Variants in SEPTIN7 observed in about 807,000 individuals in gnomAD.
SEPTIN7 encodes septin 7, also known as septin-7.
A neutral mutation model predicts 63.3 loss-of-function variants in SEPTIN7; 10 were observed. The observed-to-expected ratio is 0.16, with a 90% confidence interval of 0.10 to 0.27. The LOEUF is 0.27. SEPTIN7 is among the 10% of genes least tolerant of loss of function. The pLI is 1.00. For synonymous variants in SEPTIN7, 131 were observed against 165.3 expected (o/e 0.79, Z 1.59); for missense variants, 310 against 521.0 (o/e 0.59, Z 3.94).
In SEPTIN7 at chr7:35,887,555, C is replaced by T. The variant is rs1344002953; in HGVS notation, c.872+1676C>T. 2.6e-5 allele frequency among the ~76,000 whole-genome samples: 4 copies of T among 152,312 alleles called. No individual in the cohort carries two copies. In the East Asian group the frequency reaches 7.7e-4, roughly 29 times the overall value. Reference sequence around the variant, plus strand: ...AGAGACAGGGTTTCACCGTGTTGGCCAGGCTGGTCTCAAACTCCTGACCTC... The same window carrying T: ...AGAGACAGGGTTTCACCGTGTTGGCTAGGCTGGTCTCAAACTCCTGACCTC... On this transcript the variant is annotated intron_variant, in intron 10 of 13. Coordinates refer to ENST00000350320, the MANE Select transcript of SEPTIN7 (RefSeq NM_001788.6).
chr7:35,853,336 G>A (rs1039917649), intron 3 of SEPTIN7, among the ~76,000 whole-genome samples: 2 of 152,170 alleles, frequency 1.3e-5, no homozygotes, highest in African/African-American at 4.8e-5. Context: ...TGAGGTGGGA[G>A]GATCACTTGA....
intron 10 of SEPTIN7, among the ~76,000 whole-genome samples, chr7:35,888,142 A>G (rs1447966719): frequency 6.6e-6 from 1 of 152,222 alleles, no homozygotes; most frequent in Non-Finnish European, 1.5e-5. Context: ...AGGAGAACAG[A>G]AAGAGTTACG....
At chr7:35,887,770 G>A (rs534256604) in intron 10 of SEPTIN7, among the ~76,000 whole-genome samples, 1 of 152,324 alleles carries the variant, frequency 6.6e-6, no homozygotes, top group Non-Finnish European at 1.5e-5. Flanking sequence ...CAGCAGAGCA[G>A]CAAGACTTTT....
chr7:35,856,859 C>T (rs1785239546), intron 3 of SEPTIN7, among the ~76,000 whole-genome samples: 1 of 152,086 alleles, frequency 6.6e-6, no homozygotes, highest in Non-Finnish European at 1.5e-5. Flanking sequence ...CACTTTAGTT[C>T]AGAATAAATT....
chr7:35,897,990 T>C (rs958306474), intron 11 of SEPTIN7, among the ~76,000 whole-genome samples: 6 of 152,100 alleles, frequency 3.9e-5, no homozygotes, highest in African/African-American at 1.4e-4. Context: ...GGAATTTTTT[T>C]CCCATTTTCC....
chr7:35,822,184 A>G (rs1223915731), intron 1 of SEPTIN7, among the ~76,000 whole-genome samples: 1 of 151,918 alleles, frequency 6.6e-6, no homozygotes, highest in African/African-American at 2.4e-5. Context: ...GGTTCAAGCA[A>G]TTCTCGTGCC....
intron 3 of SEPTIN7, among the ~76,000 whole-genome samples, chr7:35,839,350 A>G (rs1232031811): frequency 6.6e-6 from 1 of 152,150 alleles, no homozygotes; most frequent in African/African-American, 2.4e-5. Flanking sequence ...GCTATCTGAT[A>G]TTTTACCATT....
In SEPTIN7 at chr7:35,838,236, A is replaced by ACTTACTTC. The variant is rs1562536598; in HGVS notation, c.169+5339_169+5340insACTTCCTT. Among the ~76,000 whole-genome samples, 60 of 59,082 alleles carry ACTTACTTC rather than the reference A, an allele frequency of 1.0e-3. 6 individuals carry two copies. Among genetic ancestry groups the ACTTACTTC allele is most frequent in the South Asian group, 3.6e-3 (6 of 1,654 alleles). 38.8% of individuals were successfully genotyped at this position (59,082 alleles called of 152,430 possible). ...TTAGCTTGATTTTTATATTATCCAA[A>ACTTACTTC]CTTCCTTCCTTCCTTCCTTCCTTCC... On this transcript the variant is annotated intron_variant, in intron 3 of 13. Transcript: ENST00000350320.
intron 1 of SEPTIN7, among the ~76,000 whole-genome samples, chr7:35,814,133 T>C (rs2115732919): frequency 6.6e-6 from 1 of 150,584 alleles, no homozygotes; most frequent in Non-Finnish European, 1.5e-5. Flanking sequence ...CAACATTTTA[T>C]TTCTCTTTGG....
Position 35,893,762 on chromosome 7 carries a change from G to A in SEPTIN7, c.998+2969G>A, listed in dbSNP as rs575553086. ...AATGTGCCTTTCTGTTACGTCAATAGCCCTAGAACAATTCTATTTCAGAGG... is the reference window on the plus strand; with the variant it reads ...AATGTGCCTTTCTGTTACGTCAATAACCCTAGAACAATTCTATTTCAGAGG... On this transcript the variant is annotated intron_variant, in intron 11 of 13. Transcript: ENST00000350320. Among the ~76,000 whole-genome samples, 13 of 152,172 alleles carry A rather than the reference G, an allele frequency of 8.5e-5. No individual in the cohort carries two copies. In the East Asian group the frequency reaches 2.5e-3, roughly 29 times the overall value.
intron 11 of SEPTIN7, among the ~76,000 whole-genome samples, chr7:35,892,158 A>G (rs567336720): frequency 2.0e-5 from 3 of 152,340 alleles, no homozygotes; most frequent in African/African-American, 4.8e-5. Flanking sequence ...CAATTAGACG[A>G]TAATCCTGAA....
chr7:35,815,144 G>C, intron 1 of SEPTIN7: 1 of 448,222 alleles, frequency 2.2e-6, no homozygotes, highest in Non-Finnish European at 4.5e-6. Flanking sequence ...ATCATTTTTA[G>C]GGGTACTTCT....
chr7:35,896,395 AG>A (rs1454373930), intron 11 of SEPTIN7, among the ~76,000 whole-genome samples: 2 of 152,182 alleles, frequency 1.3e-5, no homozygotes, highest in African/African-American at 4.8e-5. Flanking sequence ...AGACTAAAAA[AG>A]ATTTTTGGGG....
At position 35,906,342 on chromosome 7, in the gene SEPTIN7, CT is replaced by C. The variant is rs1562597560; in HGVS notation, c.*2053del. On this transcript the variant is annotated 3_prime_UTR_variant, in exon 14 of 14. Coordinates refer to ENST00000350320, the MANE Select transcript of SEPTIN7 (RefSeq NM_001788.6). ...CAGGATCTATATAACTTTACTAGGA[CT>C]TTTGATTGTTGACTCCAGGCTTAGG... 6.6e-6 allele frequency: 1 copy of C among 152,148 alleles called. No individual in the cohort carries two copies. The allele number at this position is 152,148 out of a possible 1,614,324, so 9.4% of individuals were successfully genotyped here. A position where few individuals can be genotyped will look rare whatever the true frequency, so the allele number is the denominator to read the frequency against.
chr7:35,865,596 A>T (rs1785768207), intron 4 of SEPTIN7, among the ~76,000 whole-genome samples: 1 of 150,954 alleles, frequency 6.6e-6, no homozygotes, highest in East Asian at 1.9e-4. Context: ...GTCTTGGTGG[A>T]CTTAGGCACT....
intron 3 of SEPTIN7, among the ~76,000 whole-genome samples, chr7:35,862,862 T>C (rs2116148614): frequency 6.6e-6 from 1 of 152,294 alleles, no homozygotes; most frequent in East Asian, 1.9e-4. Context: ...ATAGTTACTA[T>C]ATACTAGACT....
chr7:35,821,459 A>AT (rs1424235356), intron 1 of SEPTIN7, among the ~76,000 whole-genome samples: 1 of 152,156 alleles, frequency 6.6e-6, no homozygotes, highest in African/African-American at 2.4e-5. Context: ...GCTGCCTGGT[A>AT]TTTTAATACA....
the SEPTIN7 span, among the ~76,000 whole-genome samples, chr7:35,913,149 A>C: frequency 2.6e-5 from 4 of 152,092 alleles, no homozygotes; most frequent in Non-Finnish European, 4.4e-5. Flanking sequence ...CTGTTGCTTA[A>C]TCTTCCTCAG....
intron 11 of SEPTIN7, among the ~76,000 whole-genome samples, chr7:35,896,639 A>C (rs957306909): frequency 6.6e-6 from 1 of 152,198 alleles, no homozygotes; most frequent in African/African-American, 2.4e-5. Flanking sequence ...AAAAGATGAT[A>C]TTTACACTTG....
Sources: allele counts gnomAD v4.1 joint callset (sites outside exome capture counted in the v4.1 genomes callset), GRCh38; gene constraint gnomAD v4.1.1; transcripts MANE v1.5; gene names NCBI Gene and HGNC (gene_info 2026-07-23, HGNC 2026-07-21).